Variants in ATXN1 observed in about 807,000 individuals in gnomAD.
ATXN1 encodes the protein ataxin 1.
ATXN1 carries 8 observed loss-of-function variants against 56.4 expected under a neutral mutation model. The observed-to-expected ratio is 0.14, with a 90% confidence interval of 0.08 to 0.26. The LOEUF is 0.26. Among genes scored for constraint, ATXN1 ranks in the 10% least tolerant of loss-of-function variants. ATXN1 has a pLI of 1.00. For synonymous variants in ATXN1, 514 were observed against 494.6 expected (o/e 1.04, Z -0.52); for missense variants, 987 against 1,106.5 (o/e 0.89, Z 1.53).
chr6:16,333,215 C>G (rs1039843639), intron 6 of ATXN1, among the ~76,000 whole-genome samples: 11 of 152,174 alleles, frequency 7.2e-5, no homozygotes, highest in African/African-American at 2.7e-4. Context: ...GTTCTTTACA[C>G]AACTGCAGAG....
At chr6:16,307,058 G>T (rs191318825) in intron 7 of ATXN1, among the ~76,000 whole-genome samples, 199 bp from the exon 8 acceptor site, 3 of 152,186 alleles carry the variant, frequency 2.0e-5, no homozygotes, top group Admixed American at 6.5e-5. Context: ...TCTTTGGGTT[G>T]TACCTCTACT....
chr6:16,637,064 C>T (rs577804362), intron 3 of ATXN1, among the ~76,000 whole-genome samples: 1 of 152,254 alleles, frequency 6.6e-6, no homozygotes, highest in East Asian at 1.9e-4. Flanking sequence ...TATTGCGGCA[C>T]TATTCACAAT....
intron 4 of ATXN1, among the ~76,000 whole-genome samples, chr6:16,553,936 TA>T (rs1227658810): frequency 6.6e-6 from 1 of 152,214 alleles, no homozygotes; most frequent in Non-Finnish European, 1.5e-5. Context: ...AGGCAAAGCC[TA>T]AAGCATTTAG....
At chr6:16,374,759 A>C (rs2113496315) in intron 6 of ATXN1, among the ~76,000 whole-genome samples, 1 of 152,360 alleles carries the variant, frequency 6.6e-6, no homozygotes, top group Admixed American at 6.5e-5. Context: ...AAGCCCCAGC[A>C]CATAAATATT....
chr6:16,512,597 T>C (rs867141050), intron 5 of ATXN1, among the ~76,000 whole-genome samples: 1 of 152,222 alleles, frequency 6.6e-6, no homozygotes, highest in Middle Eastern at 3.2e-3. Flanking sequence ...GGCCCCTTTT[T>C]TTGTCGCAAT....
chr6:16,568,708 C>A (rs1762276196), intron 4 of ATXN1, among the ~76,000 whole-genome samples: 1 of 152,108 alleles, frequency 6.6e-6, no homozygotes, highest in African/African-American at 2.4e-5. Context: ...ACTTCTCCCA[C>A]TGTCTAAATG....
At chr6:16,622,319 G>A (rs1395996471) in intron 3 of ATXN1, among the ~76,000 whole-genome samples, 1 of 152,126 alleles carries the variant, frequency 6.6e-6, no homozygotes, top group Non-Finnish European at 1.5e-5. Context: ...TTAGCTCAGG[G>A]CTCATAAAAC....
chr6:16,633,063 G>A (rs1449094873), intron 3 of ATXN1, among the ~76,000 whole-genome samples: 2 of 152,038 alleles, frequency 1.3e-5, no homozygotes, highest in African/African-American at 4.8e-5. Context: ...GGAGTTTAAG[G>A]GAAAAGCACA....
At chr6:16,501,601 G>C (rs1581804903) in intron 5 of ATXN1, among the ~76,000 whole-genome samples, 1 of 152,118 alleles carries the variant, frequency 6.6e-6, no homozygotes, top group South Asian at 2.1e-4. Flanking sequence ...GTGTTAGTTT[G>C]CTGAGAATGA....
At chr6:16,354,414 T>A (rs890237551) in intron 6 of ATXN1, among the ~76,000 whole-genome samples, 1 of 152,028 alleles carries the variant, frequency 6.6e-6, no homozygotes, top group Non-Finnish European at 1.5e-5. Context: ...TGCGCCACCA[T>A]GCCTGGCTAA....
At chr6:16,421,103 T>C (rs1315264261) in intron 6 of ATXN1, among the ~76,000 whole-genome samples, 1 of 152,208 alleles carries the variant, frequency 6.6e-6, no homozygotes, top group African/African-American at 2.4e-5. Context: ...AGAAGTACAT[T>C]AGGACAGAGG....
At chr6:16,574,763 C>T (rs541523715) in intron 4 of ATXN1, among the ~76,000 whole-genome samples, 7 of 151,872 alleles carry the variant, frequency 4.6e-5, no homozygotes, top group East Asian at 3.9e-4. Flanking sequence ...ACCTGGGTCA[C>T]GACTACTCAA....
chr6:16,758,720 T>TA (rs1760963969), intron 1 of ATXN1, among the ~76,000 whole-genome samples: 1 of 151,758 alleles, frequency 6.6e-6, no homozygotes, highest in Non-Finnish European at 1.5e-5. Flanking sequence ...AGGACTGGAG[T>TA]AAGTGCACCG....
intron 5 of ATXN1, among the ~76,000 whole-genome samples, chr6:16,487,420 G>A (rs998357721): frequency 6.6e-6 from 1 of 152,174 alleles, no homozygotes; most frequent in African/African-American, 2.4e-5. Context: ...GTAACACACT[G>A]ACAAGTATAT....
intron 6 of ATXN1, among the ~76,000 whole-genome samples, chr6:16,364,178 G>T (rs1462382018): frequency 6.6e-6 from 1 of 152,212 alleles, no homozygotes; most frequent in East Asian, 1.9e-4. Flanking sequence ...CACTTAGGCA[G>T]CCAGTAAAGC....
intron 3 of ATXN1, among the ~76,000 whole-genome samples, chr6:16,620,826 C>T (rs538472168): frequency 1.2e-4 from 19 of 152,216 alleles, no homozygotes; most frequent in Admixed American, 9.8e-4. Context: ...CCCCCACCTA[C>T]TCCGCTGGCC....
chr6:16,759,995 T>TAC (rs1023766754), intron 1 of ATXN1, among the ~76,000 whole-genome samples: 3 of 149,856 alleles, frequency 2.0e-5, no homozygotes, highest in Non-Finnish European at 4.5e-5. Flanking sequence ...CGCGCACAAA[T>TAC]ACACACACAC....
intron 6 of ATXN1, among the ~76,000 whole-genome samples, chr6:16,381,672 CT>C (rs1456645138): frequency 1.3e-5 from 2 of 152,260 alleles, no homozygotes; most frequent in East Asian, 3.8e-4. Context: ...CCTCACCTGA[CT>C]GCAAAATTCC....
chr6:16,424,099 G>A (rs758183316), intron 6 of ATXN1, among the ~76,000 whole-genome samples: 3 of 152,194 alleles, frequency 2.0e-5, no homozygotes, highest in African/African-American at 4.8e-5. Context: ...AAAAGACCAT[G>A]TCTTATCAAG....
Sources: allele counts gnomAD v4.1 joint callset (sites outside exome capture counted in the v4.1 genomes callset), GRCh38; gene constraint gnomAD v4.1.1; transcripts MANE v1.5; gene names NCBI Gene and HGNC (gene_info 2026-07-23, HGNC 2026-07-21).